Variants in TEX10 observed in about 807,000 individuals in gnomAD.
TEX10 encodes testis-expressed protein 10.
A neutral mutation model predicts 104.4 loss-of-function variants in TEX10; 24 were observed. That is an observed-to-expected ratio of 0.23 (90% CI 0.17 to 0.32). The LOEUF is 0.32. Among genes scored for constraint, TEX10 ranks in the 10% least tolerant of loss-of-function variants. The pLI is 1.00. For missense variants in TEX10, 921 were observed against 1,083.9 expected (o/e 0.85, Z 2.11); for synonymous variants, 396 against 393.4 (o/e 1.01, Z -0.08).
At position 100,329,935 on chromosome 9, in the gene TEX10, G is replaced by C; in HGVS notation, c.1485C>G (p.Asn495Lys). The C allele has an allele frequency of 6.2e-7, 1 of 1,608,836 alleles. No homozygotes were observed. The stretch of plus-strand genomic sequence containing the variant: ...GGGCAAAGTAGCATCACCTACCTCT[G>C]TTTGGCTGTATTTGCATTAACCTCC... ...VSWRLMQIQPNREDTETLIKA... is the reference protein window; with the variant it reads ...VSWRLMQIQPKREDTETLIKA... Residue 495 changes from asparagine to lysine, a missense_variant, in exon 6 of 15, where the codon AAC becomes AAG. Asn to Lys is a moderately conservative substitution (Grantham distance 94). Coordinates refer to ENST00000374902, the MANE Select transcript of TEX10 (RefSeq NM_017746.4).
chr9:100,344,144 G>A (rs1835242871), intron 4 of TEX10, among the ~76,000 whole-genome samples: 1 of 152,058 alleles, frequency 6.6e-6, no homozygotes, highest in Non-Finnish European at 1.5e-5. Context: ...TTCTACCAGT[G>A]GATGTTTTTA....
Position 100,329,158 on chromosome 9 carries a change from A to G in TEX10, c.1607T>C (p.Leu536Pro). The change falls in exon 7 of 15, where the codon CTG (leucine) becomes CCG (proline). Residue 536 changes from leucine to proline, a missense_variant. By Grantham distance (98) the Leu-to-Pro change is moderately conservative. This residue lies in a region of TEX10 where 753 missense variants were observed against 868.4 expected (regional missense o/e 0.87). Transcript: ENST00000374902. ...FFSKIYQTEE[L>P]RSCRFRYRSK... Reference sequence around the variant, plus strand: ...ATTTTACCTGAATCTACAAGATCTCAGTTCTTCTGTCTGATAGATTTTACT... The same window carrying G: ...ATTTTACCTGAATCTACAAGATCTCGGTTCTTCTGTCTGATAGATTTTACT... 6.2e-7 allele frequency: 1 copy of G among 1,603,522 alleles called. No individual in the cohort carries two copies. The highest frequency in any genetic ancestry group is 1.1e-5 in the South Asian group (1 of 87,946).
intron 11 of TEX10, among the ~76,000 whole-genome samples, chr9:100,316,589 A>G (rs967299903): frequency 1.4e-4 from 21 of 152,232 alleles, no homozygotes; most frequent in Middle Eastern, 3.4e-3. Flanking sequence ...AAGCTGAATT[A>G]TCCCTGTTTG....
chr9:100,330,997 C>T (rs375618020), intron 5 of TEX10, among the ~76,000 whole-genome samples: 8 of 151,886 alleles, frequency 5.3e-5, no homozygotes, highest in Admixed American at 4.6e-4. Context: ...AGCTCACGCC[C>T]GTAATCCCAG....
In TEX10 at chr9:100,308,618, G is replaced by A. The variant is rs751562391; in HGVS notation, c.2347C>T (p.Leu783=). 1.9e-5 allele frequency: 30 copies of A among 1,612,016 alleles called. No homozygotes were observed. Among genetic ancestry groups the A allele is most frequent in the Non-Finnish European group, 2.2e-5 (26 of 1,178,978 alleles). The part of the protein sequence containing the change: ...GCVFGVICKL[L]DHTCVVSETL... Reference sequence around the variant, plus strand: ...TCACTAACTACACAAGTATGATCCAGGAGCTTACAGATAACACCAAAAACA... The same window carrying A: ...TCACTAACTACACAAGTATGATCCAAGAGCTTACAGATAACACCAAAAACA... Residue 783 remains leucine (L), a synonymous_variant, in exon 13 of 15, where the codon CTG becomes TTG. Transcript: ENST00000374902.
At chr9:100,310,016 T>C (rs1302111887) in intron 12 of TEX10, among the ~76,000 whole-genome samples, 1 of 152,138 alleles carries the variant, frequency 6.6e-6, no homozygotes, top group Admixed American at 6.5e-5. Context: ...ATTACAGAAG[T>C]TGGAAAGGAT....
chr9:100,319,494 T>C (rs935020968), intron 11 of TEX10, among the ~76,000 whole-genome samples: 34 of 152,138 alleles, frequency 2.2e-4, no homozygotes, highest in Admixed American at 2.0e-3. Context: ...TTTTAAATGT[T>C]TACATTTACT....
chr9:100,352,294 G>A (rs1403654782), intron 1 of TEX10: 18 of 1,497,736 alleles, frequency 1.2e-5, no homozygotes, highest in Middle Eastern at 1.7e-4. Flanking sequence ...GGCGACCCCA[G>A]AAAACTGGTA....
intron 4 of TEX10, among the ~76,000 whole-genome samples, chr9:100,344,514 G>A (rs774733135): frequency 3.9e-4 from 19 of 48,684 alleles, no homozygotes; most frequent in Admixed American, 1.4e-3. Context: ...ATCAAACACC[G>A]AAGAAGCTTG....
Position 100,347,422 on chromosome 9 carries a change from C to T in TEX10, c.181-16G>A, listed in dbSNP as rs541118737. 27 of 1,535,018 alleles carry T rather than the reference C, an allele frequency of 1.8e-5. No individual in the cohort carries two copies. In the East Asian group the frequency reaches 4.7e-4, roughly 27 times the overall value. On this transcript the variant is annotated splice_polypyrimidine_tract_variant and intron_variant, in intron 2 of 14. Transcript: ENST00000374902. Reference sequence around the variant, plus strand: ...ACAGCAAATCCTATAAATAAAAATACAAATTTTAGATGTATACTTATATAC... The same window carrying T: ...ACAGCAAATCCTATAAATAAAAATATAAATTTTAGATGTATACTTATATAC...
chr9:100,327,070 C>T (rs1256083824), intron 8 of TEX10, among the ~76,000 whole-genome samples: 1 of 152,024 alleles, frequency 6.6e-6, no homozygotes, highest in East Asian at 1.9e-4. Context: ...CTAAGTGAAA[C>T]AAGCCAGACA....
intron 11 of TEX10, among the ~76,000 whole-genome samples, chr9:100,315,210 G>A (rs1364415923): frequency 6.6e-6 from 1 of 152,128 alleles, no homozygotes; most frequent in Non-Finnish European, 1.5e-5. Context: ...TCTATGTGAT[G>A]ATGAGAAGAA....
chr9:100,314,103 T>A (rs1318389752), intron 11 of TEX10, among the ~76,000 whole-genome samples: 2 of 151,110 alleles, frequency 1.3e-5, no homozygotes, highest in Non-Finnish European at 3.0e-5. Flanking sequence ...TTTTTTTTTT[T>A]TTGAGACAGA....
Position 100,320,427 on chromosome 9 carries a change from T to A in TEX10, c.2069-29A>T, listed in dbSNP as rs28460607. On this transcript the variant is annotated intron_variant, in intron 10 of 14. Transcript: ENST00000374902. ...ATTCAGGTAACAAAGAAAGCCAATT[T>A]AAAAAAACAAAAAACAAAAAACAAT... 1,096 of 1,555,126 alleles carry A rather than the reference T, an allele frequency of 7.0e-4. 5 individuals carry two copies. In the African/African-American group the frequency reaches 9.5e-3, roughly 13 times the overall value.
At chr9:100,322,222 T>C (rs1834588586) in intron 9 of TEX10, among the ~76,000 whole-genome samples, 2 of 152,224 alleles carry the variant, frequency 1.3e-5, no homozygotes, top group South Asian at 4.1e-4. Flanking sequence ...AGAAAACTTA[T>C]CTTTAAAGCC....
At chr9:100,348,125 T>C (rs1835347957) in intron 2 of TEX10, among the ~76,000 whole-genome samples, 1 of 152,216 alleles carries the variant, frequency 6.6e-6, no homozygotes, top group Non-Finnish European at 1.5e-5. Flanking sequence ...ACATACAACC[T>C]GGAGGAACCT....
At chr9:100,335,509 T>G (rs1834984910) in intron 5 of TEX10, among the ~76,000 whole-genome samples, 1 of 152,174 alleles carries the variant, frequency 6.6e-6, no homozygotes, top group Admixed American at 6.5e-5. Flanking sequence ...ACAAGGGTCA[T>G]GACTTAATAC....
intron 1 of TEX10, chr9:100,352,478 T>C: frequency 6.4e-7 from 1 of 1,550,990 alleles, no homozygotes. Flanking sequence ...AGGACCAGAG[T>C]CGGGGAAGTG....
At chr9:100,327,483 T>C (rs1261305913) in intron 8 of TEX10, among the ~76,000 whole-genome samples, 2 of 151,544 alleles carry the variant, frequency 1.3e-5, no homozygotes, top group African/African-American at 4.9e-5. Context: ...GTAATAAAGA[T>C]ATGTCTTGCC....
Sources: gnomAD v4.1 joint callset for allele counts (sites outside exome capture counted in the v4.1 genomes callset) on GRCh38, gnomAD v4.1.1 for gene constraint, gnomAD v4.1.1 regional missense constraint, MANE v1.5 for transcripts, NCBI Gene and HGNC (gene_info 2026-07-23, HGNC 2026-07-21) for gene names.